Variants in PTPRE observed in about 807,000 individuals in gnomAD.
PTPRE encodes receptor-type tyrosine-protein phosphatase epsilon.
A neutral mutation model predicts 102.0 loss-of-function variants in PTPRE; 51 were observed. That is an observed-to-expected ratio of 0.50 (90% CI 0.40 to 0.63). PTPRE has a LOEUF of 0.63. Ranked by LOEUF, PTPRE falls within the 30% of genes least tolerant of loss-of-function variation. The pLI is 0.00. For missense variants in PTPRE, 752 were observed against 915.1 expected (o/e 0.82, Z 2.30); for synonymous variants, 345 against 348.2 (o/e 0.99, Z 0.10).
chr10:127,965,466 C>A (rs1191373996), intron 1 of PTPRE, among the ~76,000 whole-genome samples: 1 of 152,118 alleles, frequency 6.6e-6, no homozygotes, highest in African/African-American at 2.4e-5. Context: ...TGATTCCTTG[C>A]CAGTGTCTGC....
At chr10:127,926,526 GA>G (rs140923166) in intron 1 of PTPRE, among the ~76,000 whole-genome samples, 2,435 of 152,268 alleles carry the variant, frequency 0.016, 68 homozygotes, top group African/African-American at 0.056. Context: ...CGGTTTCCTA[GA>G]GTTGCTTTCA....
rs950047003 is a variant in PTPRE at position 128,073,621 on chromosome 10, T to G, written c.1599+150T>G. On this transcript the variant is annotated intron_variant, in intron 17 of 20. Transcript: ENST00000254667. Reference sequence around the variant, plus strand: ...ACTAGGGAAGGAGAGAGATTGGAAATGAAAAAGGTTTCATTTCACCCTTTC... The same window carrying G: ...ACTAGGGAAGGAGAGAGATTGGAAAGGAAAAAGGTTTCATTTCACCCTTTC... The G allele has an allele frequency of 6.5e-6, 7 of 1,084,598 alleles. No individual in the cohort carries two copies. The African/African-American group carries it at 1.1e-4, about 17-fold the overall frequency. 67.2% of individuals were successfully genotyped at this position (1,084,598 alleles called of 1,614,324 possible).
chr10:127,952,803 T>C (rs1296650146), intron 1 of PTPRE, among the ~76,000 whole-genome samples: 1 of 152,192 alleles, frequency 6.6e-6, no homozygotes, highest in Non-Finnish European at 1.5e-5. Flanking sequence ...TTGGGTTTGG[T>C]TGGGTAAGTT....
rs140572052 is a variant in PTPRE, at chr10:127,960,759, C to T, written c.-30-21515C>T. On this transcript the variant is annotated intron_variant, in intron 1 of 20. Transcript: ENST00000254667. ...ACAGAAACAGCCGGGCGCGGTGGCT[C>T]ACGCCTGTAATCCCAGCACTTTGGG... Among the ~76,000 whole-genome samples, 7 of 152,208 alleles carry T rather than the reference C, an allele frequency of 4.6e-5. No individual in the cohort carries two copies. The East Asian group carries it at 1.4e-3, about 29-fold the overall frequency.
At chr10:128,081,656 T>C (rs1310689023) in intron 20 of PTPRE, among the ~76,000 whole-genome samples, 2 of 152,244 alleles carry the variant, frequency 1.3e-5, no homozygotes, top group African/African-American at 4.8e-5. Context: ...TTATTGAGAA[T>C]TCCTTCTAAG....
intron 1 of PTPRE, among the ~76,000 whole-genome samples, chr10:127,952,964 G>A (rs1849144412): frequency 6.6e-6 from 1 of 152,280 alleles, no homozygotes; most frequent in Non-Finnish European, 1.5e-5. Context: ...ATTTCTAGGG[G>A]TCCAGTGGTA....
Position 127,993,388 on chromosome 10 carries a change from G to A in PTPRE, c.-8+11092G>A, listed in dbSNP as rs139859026. ...GTGACACATAACTTGAAGCTAATGC[G>A]TGGTGGGGCCACCGCAGAGGGACAG... is the stretch of plus-strand genomic sequence containing the variant. On this transcript the variant is annotated intron_variant, in intron 2 of 20. Coordinates refer to ENST00000254667, the MANE Select transcript of PTPRE (RefSeq NM_006504.6). 2.8e-4 allele frequency among the ~76,000 whole-genome samples: 42 copies of A among 152,268 alleles called. No homozygotes were observed. In the Middle Eastern group the frequency reaches 0.014, roughly 49 times the overall value.
In PTPRE at chr10:128,053,571, G is replaced by A. The variant is rs551595169; in HGVS notation, c.421-2552G>A. On this transcript the variant is annotated intron_variant, in intron 6 of 20. Transcript: ENST00000254667. ...TTGGATCCAGGATACATACGTGTGC[G>A]GTGCACAGGGCCCGATGCCCCTCCC... Among the ~76,000 whole-genome samples, 5 of 152,246 alleles carry A rather than the reference G, an allele frequency of 3.3e-5. No individual in the cohort carries two copies. The South Asian group carries it at 6.2e-4, about 19-fold the overall frequency.
intron 2 of PTPRE, among the ~76,000 whole-genome samples, chr10:127,989,108 A>C (rs1272040364): frequency 6.6e-6 from 1 of 152,150 alleles, no homozygotes. Context: ...ACCAAGATTC[A>C]TCTGCTATCA....
intron 1 of PTPRE, among the ~76,000 whole-genome samples, chr10:127,941,414 C>T (rs1848234857): frequency 6.6e-6 from 1 of 152,162 alleles, no homozygotes; most frequent in South Asian, 2.1e-4. Context: ...ATACATGAGC[C>T]AGGGGAGCCA....
At chr10:127,936,277 G>A (rs1289082748) in intron 1 of PTPRE, 1 of 152,152 alleles carries the variant, frequency 6.6e-6, no homozygotes, top group Non-Finnish European at 1.5e-5. Flanking sequence ...GCATGGGAGA[G>A]GCAACCCCAC....
chr10:127,971,014 A>G (rs1436506694), intron 1 of PTPRE, among the ~76,000 whole-genome samples: 3 of 152,176 alleles, frequency 2.0e-5, no homozygotes, highest in Non-Finnish European at 4.4e-5. Flanking sequence ...ATCCTGTCCC[A>G]TATCTGTGGC....
intron 1 of PTPRE, among the ~76,000 whole-genome samples, chr10:127,970,320 G>T (rs1262962101): frequency 6.6e-6 from 1 of 152,178 alleles, no homozygotes; most frequent in Admixed American, 6.5e-5. Context: ...AGGACGGTAA[G>T]GTCTTTTCAG....
chr10:127,975,691 G>A (rs1851101725), intron 1 of PTPRE, among the ~76,000 whole-genome samples: 1 of 152,212 alleles, frequency 6.6e-6, no homozygotes, highest in South Asian at 2.1e-4. Flanking sequence ...TCACTGAACA[G>A]GAATTAGCTC....
At chr10:127,962,826 G>A (rs1006686934) in intron 1 of PTPRE, among the ~76,000 whole-genome samples, 3 of 152,318 alleles carry the variant, frequency 2.0e-5, no homozygotes, top group Admixed American at 6.5e-5. Context: ...CCCAGCCCCC[G>A]CAATGTCCAC....
chr10:127,984,639 G>C (rs1851929783), intron 2 of PTPRE, among the ~76,000 whole-genome samples: 1 of 152,174 alleles, frequency 6.6e-6, no homozygotes. Flanking sequence ...TGTTGTGGGA[G>C]ATAATTGAAT....
intron 2 of PTPRE, among the ~76,000 whole-genome samples, chr10:128,006,694 C>T (rs1488462253): frequency 6.6e-6 from 1 of 152,058 alleles, no homozygotes; most frequent in Non-Finnish European, 1.5e-5. Context: ...AGCAAGGAGA[C>T]CCATAAACAT....
At chr10:128,055,636 T>C (rs1287882783) in intron 6 of PTPRE, among the ~76,000 whole-genome samples, 1 of 152,078 alleles carries the variant, frequency 6.6e-6, no homozygotes, top group African/African-American at 2.4e-5. Context: ...TCTAAGGCTG[T>C]TTCCCGCCCC....
Position 128,047,498 on chromosome 10 carries a change from G to A in PTPRE, c.209+9G>A, listed in dbSNP as rs780643947. 1.9e-5 allele frequency: 30 copies of A among 1,613,200 alleles called. No individual in the cohort carries two copies. In the South Asian group the frequency reaches 3.1e-4, roughly 17 times the overall value. On this transcript the variant is annotated intron_variant, in intron 4 of 20. Coordinates refer to ENST00000254667, the MANE Select transcript of PTPRE (RefSeq NM_006504.6). ...GCCGCCTACTTCTTCAGGTAGGAGT[G>A]TCCCGGGGCACTGACTTGCCCCAAC...
Sources: gnomAD v4.1 joint callset for allele counts (sites outside exome capture counted in the v4.1 genomes callset) on GRCh38, gnomAD v4.1.1 for gene constraint, MANE v1.5 for transcripts, NCBI Gene and HGNC (gene_info 2026-07-23, HGNC 2026-07-21) for gene names.